SDK1: variants seen among roughly 807,000 people sequenced by gnomAD.
SDK1 encodes sidekick cell adhesion molecule 1, also known as protein sidekick-1.
SDK1 carries 157 observed loss-of-function variants against 245.5 expected under a neutral mutation model. The ratio of observed to expected loss-of-function variants is 0.64; its 90% CI spans 0.56 to 0.73. SDK1 has a LOEUF of 0.73. Among genes scored for constraint, SDK1 ranks in the 30% least tolerant of loss-of-function variants. SDK1 has a pLI of 0.00. For missense variants in SDK1, 3,583 were observed against 3,002.3 expected, an observed-to-expected ratio of 1.19 and a Z score of -4.52; for synonymous variants, 1,647 against 1,278.5, an observed-to-expected ratio of 1.29 and a Z score of -6.15.
chr7:4,205,023 C>T (rs894307991), intron 35 of SDK1, among the ~76,000 whole-genome samples: 2 of 75,222 alleles, frequency 2.7e-5, no homozygotes, highest in African/African-American at 9.0e-5. Flanking sequence ...GAGGTGCGGC[C>T]GCAACATCCT....
intron 1 of SDK1, among the ~76,000 whole-genome samples, chr7:3,466,183 C>G (rs1417445470): frequency 6.6e-6 from 1 of 151,726 alleles, no homozygotes; most frequent in Non-Finnish European, 1.5e-5. Flanking sequence ...AACTACCTGC[C>G]TTTCATCGAG....
At position 4,245,634 on chromosome 7, in the gene SDK1, C is replaced by T. The variant is rs373244781; in HGVS notation, c.6252-42C>T. 1.2e-5 allele frequency: 20 copies of T among 1,602,866 alleles called. No individual in the cohort carries two copies. In the African/African-American group the frequency reaches 2.5e-4, roughly 20 times the overall value. On this transcript the variant is annotated intron_variant, in intron 43 of 44. Coordinates refer to ENST00000404826, the MANE Select transcript of SDK1 (RefSeq NM_152744.4). ...TTAGGAGTCCTCCGGGGAAGGGCGT[C>T]TTTTGCCCAGAGGGTAATTGCAGCA...
intron 5 of SDK1, among the ~76,000 whole-genome samples, chr7:3,936,926 G>A (rs1354573345): frequency 2.6e-5 from 4 of 152,144 alleles, no homozygotes; most frequent in Non-Finnish European, 5.9e-5. Flanking sequence ...GGGCAGAGGG[G>A]AATGTTTCAG....
At chr7:3,654,570 T>G (rs1171681597) in intron 4 of SDK1, among the ~76,000 whole-genome samples, 1 of 152,180 alleles carries the variant, frequency 6.6e-6, no homozygotes, top group African/African-American at 2.4e-5. Flanking sequence ...CATGACGCAG[T>G]TGGACTTAAT....
intron 5 of SDK1, among the ~76,000 whole-genome samples, chr7:3,831,275 C>T (rs1583458501): frequency 6.6e-6 from 1 of 152,144 alleles, no homozygotes; most frequent in African/African-American, 2.4e-5. Context: ...TTGAATACAG[C>T]GATGATTCTG....
At chr7:3,883,931 A>G (rs530540242) in intron 5 of SDK1, among the ~76,000 whole-genome samples, 1 of 152,164 alleles carries the variant, frequency 6.6e-6, no homozygotes, top group Non-Finnish European at 1.5e-5. Flanking sequence ...GAAGTCACCA[A>G]ACTTAAAAAT....
At chr7:4,016,100 C>T (rs1356473395) in intron 16 of SDK1, among the ~76,000 whole-genome samples, 1 of 152,264 alleles carries the variant, frequency 6.6e-6, no homozygotes, top group Non-Finnish European at 1.5e-5. Context: ...GTCTCAGCTC[C>T]TTCCCCTTCG....
At chr7:3,454,386 ATT>A (rs1005176458) in intron 1 of SDK1, among the ~76,000 whole-genome samples, 13 of 58,438 alleles carry the variant, frequency 2.2e-4, no homozygotes, top group African/African-American at 7.2e-4. Flanking sequence ...GTTCCCCAAG[ATT>A]TGTGTGTGTG....
At position 4,210,102 on chromosome 7, in the gene SDK1, G is replaced by A. The variant is rs1423605925; in HGVS notation, c.5479G>A (p.Ala1827Thr). The change falls in exon 38 of 45, where the codon GCG becomes ACG. Residue 1827 changes from alanine (A) to threonine (T), a missense_variant. Transcript: ENST00000404826. ...CAACGTGTCCTGGGGCGAGCCTGCG[G>A]CGGCCAACGGCATCCTGCAGGGCTA... ...TLNVSWGEPA[A>T]ANGILQGYRV... 1.9e-6 allele frequency: 3 copies of A among 1,610,320 alleles called. No homozygotes were observed. The highest frequency in any genetic ancestry group is 2.5e-6 in the Non-Finnish European group (3 of 1,178,558).
At chr7:3,836,425 A>G (rs1044923365) in intron 5 of SDK1, among the ~76,000 whole-genome samples, 2 of 152,184 alleles carry the variant, frequency 1.3e-5, no homozygotes, top group African/African-American at 4.8e-5. Flanking sequence ...TCATTAATTC[A>G]TTGACTCAAG....
At chr7:4,211,136 G>A (rs1263698096) in intron 38 of SDK1, among the ~76,000 whole-genome samples, 1 of 152,112 alleles carries the variant, frequency 6.6e-6, no homozygotes, top group African/African-American at 2.4e-5. Context: ...AGGATCCCTC[G>A]GGCCCAATCC....
At chr7:3,507,829 A>C (rs1782441977) in intron 1 of SDK1, among the ~76,000 whole-genome samples, 1 of 152,108 alleles carries the variant, frequency 6.6e-6, no homozygotes, top group Admixed American at 6.6e-5. Flanking sequence ...ACCTGCCCTT[A>C]TCTAATTCCC....
At chr7:4,101,995 G>T (rs1259281511) in intron 22 of SDK1, among the ~76,000 whole-genome samples, 1 of 152,174 alleles carries the variant, frequency 6.6e-6, no homozygotes, top group Admixed American at 6.5e-5. Context: ...TGCCTCTGAA[G>T]ATCCAAAGAA....
chr7:3,783,443 T>TTA (rs1439810000), intron 4 of SDK1, among the ~76,000 whole-genome samples: 2 of 151,670 alleles, frequency 1.3e-5, no homozygotes, highest in South Asian at 2.1e-4. Flanking sequence ...TAACATGATC[T>TTA]TATATATATA....
rs560821163 is a variant in SDK1, at chr7:3,541,489, C to T, written c.299-77591C>T. ...CCAACCTCTTTTCCTTCTCTTCCTTCTTATGAAGTCCTAGTTATGCTTCAG... is the reference window on the plus strand; with the variant it reads ...CCAACCTCTTTTCCTTCTCTTCCTTTTTATGAAGTCCTAGTTATGCTTCAG... On this transcript the variant is annotated intron_variant, in intron 1 of 44. Coordinates refer to ENST00000404826, the MANE Select transcript of SDK1 (RefSeq NM_152744.4). Among the ~76,000 whole-genome samples, 7 of 152,334 alleles carry T rather than the reference C, an allele frequency of 4.6e-5. No individual in the cohort carries two copies. In the South Asian group the frequency reaches 1.2e-3, roughly 27 times the overall value.
chr7:3,716,092 G>A (rs1262933619), intron 4 of SDK1, among the ~76,000 whole-genome samples: 3 of 144,382 alleles, frequency 2.1e-5, no homozygotes, highest in African/African-American at 7.8e-5. Flanking sequence ...TGCTCAGTCT[G>A]ACCAACAATG....
At chr7:3,933,744 G>A (rs1013488803) in intron 5 of SDK1, among the ~76,000 whole-genome samples, 1 of 152,154 alleles carries the variant, frequency 6.6e-6, no homozygotes, top group Admixed American at 6.5e-5. Flanking sequence ...TATTTCTTCT[G>A]TTCCAGGTAC....
intron 1 of SDK1, among the ~76,000 whole-genome samples, chr7:3,442,833 A>C (rs1434924484): frequency 6.6e-6 from 1 of 152,104 alleles, no homozygotes; most frequent in Admixed American, 6.6e-5. Context: ...CTTTTGCTTT[A>C]CTTTCTGTGA....
chr7:3,557,023 ATAATC>A (rs1779609681), intron 1 of SDK1, among the ~76,000 whole-genome samples: 1 of 141,276 alleles, frequency 7.1e-6, no homozygotes, highest in African/African-American at 2.5e-5. Flanking sequence ...TCTCAAATCA[ATAATC>A]TAAGTTAATA....
Sources: allele counts gnomAD v4.1 joint callset (sites outside exome capture counted in the v4.1 genomes callset), GRCh38; gene constraint gnomAD v4.1.1; transcripts MANE v1.5; gene names NCBI Gene and HGNC (gene_info 2026-07-23, HGNC 2026-07-21).